ROR1: variants seen among roughly 807,000 people sequenced by gnomAD.
The protein encoded by ROR1 is ROR family WNT receptor 1, also known as inactive tyrosine-protein kinase transmembrane receptor ROR1.
In ROR1, 19 loss-of-function variants were observed where a neutral mutation model predicts 78.8. The observed-to-expected ratio is 0.24, with a 90% CI of 0.17 to 0.35. The LOEUF (loss-of-function observed/expected upper bound fraction) is 0.35. ROR1 is among the 10% of genes least tolerant of loss of function. The probability of loss-of-function intolerance (pLI) is 1.00; values close to 1 mark genes in which losing one functional copy is unlikely to be tolerated. For missense variants in ROR1, 917 were observed against 1,177.8 expected, an observed-to-expected ratio of 0.78 and a Z score of 3.24; for synonymous variants, 386 against 433.6, an observed-to-expected ratio of 0.89 and a Z score of 1.36.
In ROR1 at chr1:64,159,114, G is replaced by A. The variant is rs113606454; in HGVS notation, c.1308G>A (p.Ser436=). The change falls in exon 8 of 9, where the codon TCG becomes TCA. Residue 436 remains serine, a synonymous_variant. Coordinates refer to ENST00000371079, the MANE Select transcript of ROR1 (RefSeq NM_005012.4). ...GTCGGAATAACCAGAAGTCATCGTC[G>A]GCACCAGTCCAGAGGCAACCAAAAC... ...CVCRNNQKSS[S]APVQRQPKHV... The A allele has an allele frequency of 1.4e-4, 222 of 1,614,022 alleles. No homozygotes were observed. The African/African-American group carries it at 1.7e-3, about 13-fold the overall frequency.
intron 7 of ROR1, among the ~76,000 whole-genome samples, chr1:64,150,538 T>C (rs1262337189): frequency 6.6e-6 from 1 of 152,230 alleles, no homozygotes; most frequent in East Asian, 1.9e-4. Flanking sequence ...GTCAGCAGCC[T>C]TCTCCCATAT....
At chr1:63,930,375 A>G (rs1279685900) in intron 1 of ROR1, among the ~76,000 whole-genome samples, 1 of 152,226 alleles carries the variant, frequency 6.6e-6, no homozygotes, top group Admixed American at 6.5e-5. Flanking sequence ...CACAAGTACA[A>G]GCATTTATTA....
chr1:63,956,323 A>T (rs1386932545), intron 1 of ROR1, among the ~76,000 whole-genome samples: 1 of 152,134 alleles, frequency 6.6e-6, no homozygotes, highest in Non-Finnish European at 1.5e-5. Context: ...GAGGCCAGGG[A>T]GTCACTGATC....
chr1:63,866,254 G>A (rs1557534781), intron 1 of ROR1, among the ~76,000 whole-genome samples: 1 of 151,974 alleles, frequency 6.6e-6, no homozygotes, highest in South Asian at 2.1e-4. Flanking sequence ...TAAATTTGGT[G>A]TACTTCTTGT....
intron 1 of ROR1, among the ~76,000 whole-genome samples, chr1:63,885,910 C>T (rs901274227): frequency 1.3e-5 from 2 of 152,122 alleles, no homozygotes; most frequent in East Asian, 1.9e-4. Flanking sequence ...GTTTATTTTG[C>T]ACTCTCTATT....
intron 2 of ROR1, among the ~76,000 whole-genome samples, chr1:64,039,056 C>G (rs1646725333): frequency 6.6e-6 from 1 of 152,186 alleles, no homozygotes; most frequent in South Asian, 2.1e-4. Context: ...CAAAACCGCC[C>G]CATTCATGAG....
chr1:63,966,270 G>A (rs553575570), intron 1 of ROR1, among the ~76,000 whole-genome samples: 4 of 152,282 alleles, frequency 2.6e-5, no homozygotes, highest in Admixed American at 1.3e-4. Flanking sequence ...AGCGACAGTC[G>A]GAATCCCCTT....
intron 1 of ROR1, among the ~76,000 whole-genome samples, chr1:63,899,487 T>A (rs1228541342): frequency 3.3e-5 from 5 of 152,166 alleles, no homozygotes; most frequent in Non-Finnish European, 7.4e-5. Flanking sequence ...ATTTTATAGA[T>A]GAGGGATCTG....
chr1:63,885,931 TGTA>T (rs1645353842), intron 1 of ROR1, among the ~76,000 whole-genome samples: 1 of 152,152 alleles, frequency 6.6e-6, no homozygotes, highest in African/African-American at 2.4e-5. Flanking sequence ...ATTATTACAT[TGTA>T]GTAAATAATG....
rs368580884 is a variant in ROR1 at position 64,093,535 on chromosome 1, CA to C, written c.482+42822del. On this transcript the variant is annotated intron_variant, in intron 4 of 8. Transcript: ENST00000371079. ...GGGTGGGAGGTAGGAGAAATTCTAC[CA>C]AATGGTACTTTCCTTGCTATTTATC... is the stretch of plus-strand genomic sequence containing the variant. 2.5e-3 allele frequency among the ~76,000 whole-genome samples: 383 copies of C among 152,036 alleles called. 4 individuals are homozygous for C. The highest frequency in any genetic ancestry group is 8.8e-3 in the African/African-American group (366 of 41,470).
At chr1:63,898,466 C>T (rs577538411) in intron 1 of ROR1, among the ~76,000 whole-genome samples, 2 of 147,006 alleles carry the variant, frequency 1.4e-5, no homozygotes, top group Non-Finnish European at 3.0e-5. Context: ...AGCATGGTAC[C>T]GGGTTCCAGG....
chr1:64,112,134 G>C (rs1648124298), intron 4 of ROR1: 1 of 152,148 alleles, frequency 6.6e-6, no homozygotes, highest in Non-Finnish European at 1.5e-5. Flanking sequence ...TCAATTCAGA[G>C]GACATGAGCT....
Position 63,876,464 on chromosome 1 carries a change from G to A in ROR1, c.91+101956G>A, listed in dbSNP as rs1178984486. 3.3e-5 allele frequency among the ~76,000 whole-genome samples: 5 copies of A among 152,064 alleles called. No homozygotes were observed. The East Asian group carries it at 9.7e-4, about 29-fold the overall frequency. ...AACCACCTCCATCCAACTACCTAAA[G>A]TGAAATATATTAGATGGAGAGGAGG... On this transcript the variant is annotated intron_variant, in intron 1 of 8. Coordinates refer to ENST00000371079, the MANE Select transcript of ROR1 (RefSeq NM_005012.4).
rs181730847 is a variant in ROR1 at position 63,911,133 on chromosome 1, C to T, written c.92-98172C>T. On this transcript the variant is annotated intron_variant, in intron 1 of 8. Coordinates refer to ENST00000371079, the MANE Select transcript of ROR1 (RefSeq NM_005012.4). ...TGATGCTTGGACAAAAAACTTGTGG[C>T]CTCAATTCTTTAACTGAGGAGCCTT... 1.1e-3 allele frequency among the ~76,000 whole-genome samples: 170 copies of T among 152,226 alleles called. 1 individual carries two copies. The highest frequency in any genetic ancestry group is 2.5e-3 in the Admixed American group (38 of 15,292).
chr1:63,823,658 G>A (rs1156283007), intron 1 of ROR1, among the ~76,000 whole-genome samples: 1 of 151,820 alleles, frequency 6.6e-6, no homozygotes, highest in African/African-American at 2.4e-5. Flanking sequence ...TTGCTATGTT[G>A]CACAGGCTGG....
At chr1:63,996,688 A>C (rs967776731) in intron 1 of ROR1, among the ~76,000 whole-genome samples, 1 of 152,196 alleles carries the variant, frequency 6.6e-6, no homozygotes, top group East Asian at 1.9e-4. Flanking sequence ...TTCTGAAAAT[A>C]GTTCTTTTTT....
intron 7 of ROR1, among the ~76,000 whole-genome samples, chr1:64,155,445 C>T (rs1017761102): frequency 1.4e-5 from 2 of 146,086 alleles, no homozygotes; most frequent in Non-Finnish European, 3.0e-5. Context: ...GTATTGTTCT[C>T]CTTGATTATT....
intron 4 of ROR1, among the ~76,000 whole-genome samples, chr1:64,079,944 T>C (rs953927239): frequency 1.3e-5 from 2 of 152,172 alleles, no homozygotes; most frequent in African/African-American, 4.8e-5. Context: ...ATGATGTGTA[T>C]ATAATACTTA....
At chr1:64,128,872 A>G (rs971660594) in intron 4 of ROR1, among the ~76,000 whole-genome samples, 4 of 152,164 alleles carry the variant, frequency 2.6e-5, no homozygotes, top group African/African-American at 9.6e-5. Context: ...ATGTAAGGAT[A>G]TTGTAAAGAT....
Sources: gnomAD v4.1 joint callset for allele counts (sites outside exome capture counted in the v4.1 genomes callset) on GRCh38, gnomAD v4.1.1 for gene constraint, MANE v1.5 for transcripts, NCBI Gene and HGNC (gene_info 2026-07-23, HGNC 2026-07-21) for gene names.